Variants in NPAS1 observed in about 807,000 individuals in gnomAD.
NPAS1 encodes the protein neuronal PAS domain protein 1.
Under a neutral mutation model 49.2 loss-of-function variants are expected in NPAS1, and 29 were observed. The ratio of observed to expected loss-of-function variants is 0.59; its 90% CI spans 0.44 to 0.80. The LOEUF is 0.80. Ranked by LOEUF, NPAS1 falls within the 30% of genes least tolerant of loss-of-function variation. The pLI, the probability that NPAS1 is intolerant of heterozygous loss-of-function variation, is 0.00. For missense variants in NPAS1, 825 were observed against 835.5 expected (o/e 0.99, Z 0.15); for synonymous variants, 408 against 380.4 (o/e 1.07, Z -0.84).
chr19:47,037,019 G>A (rs189218650), intron 6 of NPAS1, among the ~76,000 whole-genome samples: 1 of 147,386 alleles, frequency 6.8e-6, no homozygotes. Context: ...TCACGTTGCT[G>A]CACTCCAGCC....
At chr19:47,041,501 TC>T (rs2057021243) in intron 10 of NPAS1, among the ~76,000 whole-genome samples, 1 of 151,702 alleles carries the variant, frequency 6.6e-6, no homozygotes, top group African/African-American at 2.4e-5. Context: ...GGAGGGGTGT[TC>T]CAAGCAGAGG....
At chr19:47,032,558 G>A in intron 4 of NPAS1, 85 bp from the exon 5 acceptor site, 2 of 1,327,096 alleles carry the variant, frequency 1.5e-6, no homozygotes, top group South Asian at 1.2e-5. Flanking sequence ...TGGAGACCCA[G>A]GTTTCAGAAC....
chr19:47,044,216 G>A (rs2057051045), intron 11 of NPAS1, among the ~76,000 whole-genome samples: 1 of 152,134 alleles, frequency 6.6e-6, no homozygotes, highest in Non-Finnish European at 1.5e-5. Flanking sequence ...TGGGATTACA[G>A]GCACCTACCA....
chr19:47,041,177 T>C, intron 10 of NPAS1, 52 bp downstream of exon 10: 1 of 1,456,422 alleles, frequency 6.9e-7, no homozygotes, highest in Non-Finnish European at 9.0e-7. Context: ...CTGCTGTCTC[T>C]CCCCACCTCC....
chr19:47,045,630 G>T lies in NPAS1; in HGVS notation c.1752G>T (p.Arg584Ser). 1.4e-6 allele frequency: 2 copies of T among 1,431,572 alleles called. No individual in the cohort carries two copies. Among genetic ancestry groups the T allele is most frequent in the Non-Finnish European group, 1.8e-6 (2 of 1,103,952 alleles). 88.7% of individuals were successfully genotyped at this position (1,431,572 alleles called of 1,614,324 possible). ...GLPYPGPAGT[R>S]LPRKGD ...CCTACCCGGGGCCCGCGGGCACCAGGCTGCCGCGGAAGGGGGACTGAGGAC... is the reference window on the plus strand; with the variant it reads ...CCTACCCGGGGCCCGCGGGCACCAGTCTGCCGCGGAAGGGGGACTGAGGAC... Residue 584 changes from arginine (R) to serine (S), a missense_variant, in exon 12 of 12, where the codon AGG (arginine) becomes AGT (serine). Arg to Ser is a moderately radical substitution (Grantham distance 110). Transcript: ENST00000602212.
Position 47,021,247 on chromosome 19 carries a change from A to C in NPAS1, c.122+78A>C. 7.5e-7 allele frequency: 1 copy of C among 1,326,724 alleles called. No individual in the cohort carries two copies. The highest frequency in any genetic ancestry group is 1.0e-6 in the Non-Finnish European group (1 of 987,142). 82.2% of individuals were successfully genotyped at this position (1,326,724 alleles called of 1,614,324 possible). A position where few individuals can be genotyped will look rare whatever the true frequency, so the allele number is the denominator to read the frequency against. ...CACCCGATGTTCTGTCCCCGTGCCA[A>C]GGGGCAGTTCACACCCAGCTCCCTG... On this transcript the variant is annotated intron_variant, in intron 2 of 11. Coordinates refer to ENST00000602212, the MANE Select transcript of NPAS1 (RefSeq NM_002517.4). The surrounding 1 kb of genome is among the most constrained non-coding windows in gnomAD (Gnocchi z 5.7).
In NPAS1 at chr19:47,045,671, C is replaced by T. The variant is rs2057072000; in HGVS notation, c.*20C>T. 7.1e-7 allele frequency: 1 copy of T among 1,401,316 alleles called. No homozygotes were observed. Among genetic ancestry groups the T allele is most frequent in the Non-Finnish European group, 9.2e-7 (1 of 1,085,532 alleles). 86.8% of individuals were successfully genotyped at this position (1,401,316 alleles called of 1,614,324 possible). ...GACTGAGGACTGGCAGAGCTGCCGG[C>T]GCCGGACCCTGCGACAACCGGGGTC... On this transcript the variant is annotated 3_prime_UTR_variant, in exon 12 of 12. Transcript: ENST00000602212.
rs199667777 is a variant in NPAS1 at position 47,041,075 on chromosome 19, C to T, written c.1167C>T (p.Ser389=). 736 of 1,595,056 alleles carry T rather than the reference C, an allele frequency of 4.6e-4. 3 individuals are homozygous for T. The highest frequency in any genetic ancestry group is 8.2e-5 in the Non-Finnish European group (96 of 1,173,780). Residue 389 remains serine (S), a synonymous_variant, in exon 10 of 12, where the codon AGC becomes AGT. Coordinates refer to ENST00000602212, the MANE Select transcript of NPAS1 (RefSeq NM_002517.4). ...WLQSVATVAG[S]GKSPGEHHVL... ...AGTCTGTGGCCACAGTGGCTGGGAGCGGGAAGAGCCCCGGGGAGCACCATG... is the reference window on the plus strand; with the variant it reads ...AGTCTGTGGCCACAGTGGCTGGGAGTGGGAAGAGCCCCGGGGAGCACCATG...
chr19:47,023,279 G>A (rs907407134), intron 3 of NPAS1, among the ~76,000 whole-genome samples: 1 of 152,144 alleles, frequency 6.6e-6, no homozygotes, highest in Non-Finnish European at 1.5e-5. Context: ...GGGGGAAAGG[G>A]GGGGCTAAGA....
intron 5 of NPAS1, 119 bp from the exon 6 acceptor site, chr19:47,035,845 C>A (rs1420072447): frequency 9.9e-7 from 1 of 1,007,798 alleles, no homozygotes; most frequent in Admixed American, 3.4e-5. Flanking sequence ...CTTAAAAAAA[C>A]ACACTGGCAT....
chr19:47,027,093 C>A (rs899435430), intron 3 of NPAS1, among the ~76,000 whole-genome samples: 7 of 152,170 alleles, frequency 4.6e-5, no homozygotes, highest in Non-Finnish European at 1.0e-4. Context: ...AAAGGTGACC[C>A]GGCACTGCCC....
intron 10 of NPAS1, 68 bp from the exon 11 acceptor site, chr19:47,042,742 G>A (rs1324581384): frequency 3.7e-6 from 5 of 1,350,172 alleles, no homozygotes; most frequent in African/African-American, 2.9e-5. Flanking sequence ...CACAAGTTGG[G>A]TAAAGCAGGA....
chr19:47,027,312 C>A, intron 3 of NPAS1, among the ~76,000 whole-genome samples: 1 of 134,094 alleles, frequency 7.5e-6, no homozygotes, highest in Non-Finnish European at 1.7e-5. Flanking sequence ...TTGGCTTCTG[C>A]CTTCTGCCCC....
At chr19:47,028,410 G>A (rs1303472242) in intron 3 of NPAS1, among the ~76,000 whole-genome samples, 2 of 152,114 alleles carry the variant, frequency 1.3e-5, no homozygotes, top group Non-Finnish European at 1.5e-5. Context: ...ACACTAGGGG[G>A]CTGGGGAGGC....
intron 11 of NPAS1, 62 bp downstream of exon 11, chr19:47,042,966 TC>T: frequency 7.6e-7 from 1 of 1,318,634 alleles, no homozygotes; most frequent in Non-Finnish European, 1.0e-6. Context: ...GTCCTGGCTG[TC>T]CATTCCAGAA....
Position 47,021,650 on chromosome 19 carries a change from C to G in NPAS1, c.161C>G (p.Ala54Gly). ...AQRKEKSRNA[A>G]RSRRGKENLE... ...CGCAAGGAGAAGTCCCGGAACGCGGCGCGCTCGCGGCGCGGGAAGGAGAAC... is the reference window on the plus strand; with the variant it reads ...CGCAAGGAGAAGTCCCGGAACGCGGGGCGCTCGCGGCGCGGGAAGGAGAAC... Residue 54 changes from alanine to glycine, a missense_variant, in exon 3 of 12, where the codon GCG becomes GGG. Physicochemically the swap from Ala to Gly is moderately conservative, Grantham distance 60. Coordinates refer to ENST00000602212, the MANE Select transcript of NPAS1 (RefSeq NM_002517.4). This position sits in a 1 kb window ranked among gnomAD's most constrained non-coding sequence, Gnocchi z 5.7. The G allele has an allele frequency of 6.4e-7, 1 of 1,552,342 alleles. No individual in the cohort carries two copies. The highest frequency in any genetic ancestry group is 8.7e-7 in the Non-Finnish European group (1 of 1,150,528).
At chr19:47,029,204 C>T (rs1363069662) in intron 3 of NPAS1, among the ~76,000 whole-genome samples, 1 of 151,712 alleles carries the variant, frequency 6.6e-6, no homozygotes, top group African/African-American at 2.4e-5. Context: ...GCCTCAGCCT[C>T]CAGAGTAGCT....
chr19:47,026,734 C>A (rs963811524), intron 3 of NPAS1, among the ~76,000 whole-genome samples: 1 of 152,122 alleles, frequency 6.6e-6, no homozygotes, highest in Non-Finnish European at 1.5e-5. Flanking sequence ...GCAGGTGGAT[C>A]ACCTGAGGTC....
intron 6 of NPAS1, 82 bp from the exon 7 acceptor site, chr19:47,038,954 T>C: frequency 8.4e-7 from 1 of 1,183,764 alleles, no homozygotes; most frequent in South Asian, 1.2e-5. Flanking sequence ...TGTGTCTATG[T>C]CCGGCTGGCT....
Sources: gnomAD v4.1 joint callset for allele counts (sites outside exome capture counted in the v4.1 genomes callset) on GRCh38, gnomAD v4.1.1 for gene constraint, Gnocchi (gnomAD v3.1) non-coding constraint, MANE v1.5 for transcripts, NCBI Gene and HGNC (gene_info 2026-07-23, HGNC 2026-07-21) for gene names.